Variants in TIAM1 observed in about 807,000 individuals in gnomAD.
TIAM1 encodes the protein TIAM Rac1 associated GEF 1.
TIAM1 carries 65 observed loss-of-function variants against 163.5 expected under a neutral mutation model. The ratio of observed to expected loss-of-function variants is 0.40; its 90% CI spans 0.33 to 0.49. The LOEUF (loss-of-function observed/expected upper bound fraction) is 0.49. Ranked by LOEUF, TIAM1 falls within the 20% of genes least tolerant of loss-of-function variation. The probability of loss-of-function intolerance (pLI) is 0.77; values close to 1 mark genes in which losing one functional copy is unlikely to be tolerated. For missense variants in TIAM1, 1,789 were observed against 2,044.7 expected (o/e 0.87, Z 2.41); for synonymous variants, 833 against 810.1 (o/e 1.03, Z -0.48).
At chr21:31,149,543 C>T (rs2083285771) in intron 19 of TIAM1, among the ~76,000 whole-genome samples, 3 of 152,154 alleles carry the variant, frequency 2.0e-5, no homozygotes, top group Admixed American at 2.0e-4. Context: ...TTCTGGTACC[C>T]AAAGTCTCCT....
At position 31,165,009 on chromosome 21, in the gene TIAM1, C is replaced by G; in HGVS notation, c.2944G>C (p.Glu982Gln). 6.2e-7 allele frequency: 1 copy of G among 1,614,166 alleles called. No individual in the cohort carries two copies. Among genetic ancestry groups the G allele is most frequent in the Non-Finnish European group, 8.5e-7 (1 of 1,180,044 alleles). ...TCTGAGGATTCCAAGTCTGGCCCCT[C>G]GGTCTCCTCTGGAGCGGTCTCAGCA... ...SSAETAPEETEGPDLESSDET... is the reference protein window; with the variant it reads ...SSAETAPEETQGPDLESSDET... Residue 982 changes from glutamate (E) to glutamine (Q), a missense_variant, in exon 16 of 28, where the codon GAG (glutamate) becomes CAG (glutamine). Around this residue, in one of 5 missense-constraint regions of TIAM1, gnomAD observed 303 missense variants for 321.3 expected, o/e 0.94. Coordinates refer to ENST00000541036, the MANE Select transcript of TIAM1 (RefSeq NM_001353694.2).
At chr21:31,127,036 C>T (rs779475970) in intron 26 of TIAM1, 29 bp downstream of exon 26, 47 of 1,608,974 alleles carry the variant, frequency 2.9e-5, no homozygotes, top group African/African-American at 5.3e-5. Flanking sequence ...AATGTCAACA[C>T]GGCCTCGACT....
At chr21:31,419,186 G>A (rs2043479343) in intron 2 of TIAM1, among the ~76,000 whole-genome samples, 2 of 152,170 alleles carry the variant, frequency 1.3e-5, no homozygotes, top group South Asian at 4.1e-4. Context: ...CTCAGCACAA[G>A]GATGGTACTC....
Position 31,314,931 on chromosome 21 carries a change from T to C in TIAM1, c.-189+24312A>G, listed in dbSNP as rs145142590. ...GTGCAGGGACGTACCTGCATTTGTA[T>C]AAAGAGCAGTTCCATGGCTTCTACC... On this transcript the variant is annotated intron_variant, in intron 2 of 27. Coordinates refer to ENST00000541036, the MANE Select transcript of TIAM1 (RefSeq NM_001353694.2). 2.1e-3 allele frequency among the ~76,000 whole-genome samples: 319 copies of C among 152,298 alleles called. 2 individuals carry two copies. Among genetic ancestry groups the C allele is most frequent in the African/African-American group, 7.3e-3 (304 of 41,562 alleles).
intron 2 of TIAM1, among the ~76,000 whole-genome samples, chr21:31,442,060 C>CAAAAAAAAA (rs1555982160): frequency 1.4e-4 from 4 of 29,504 alleles, no homozygotes; most frequent in African/African-American, 9.1e-4. Context: ...TATCTCAGAA[C>CAAAAAAAAA]AAATAAATAA....
At chr21:31,247,925 C>T (rs1214089756) in intron 5 of TIAM1, among the ~76,000 whole-genome samples, 4 of 152,052 alleles carry the variant, frequency 2.6e-5, no homozygotes, top group South Asian at 2.1e-4. Flanking sequence ...AGGGGGAAAC[C>T]GTTTTCCTCT....
At chr21:31,509,844 G>A (rs1244508215) in intron 1 of TIAM1, among the ~76,000 whole-genome samples, 2 of 152,164 alleles carry the variant, frequency 1.3e-5, no homozygotes, top group Admixed American at 6.5e-5. Context: ...CTGGAGAGCC[G>A]CAGAACTTCA....
At chr21:31,327,951 C>T (rs978616977) in intron 2 of TIAM1, among the ~76,000 whole-genome samples, 2 of 152,164 alleles carry the variant, frequency 1.3e-5, no homozygotes, top group South Asian at 2.1e-4. Flanking sequence ...CCAGCAGTCC[C>T]GCAGACCCTG....
intron 2 of TIAM1, among the ~76,000 whole-genome samples, chr21:31,402,865 T>G (rs1426190476): frequency 6.6e-6 from 1 of 152,100 alleles, no homozygotes; most frequent in African/African-American, 2.4e-5. Flanking sequence ...GGCAGGAGAA[T>G]GGCGTGAACC....
chr21:31,554,503 A>G (rs2048804564), intron 1 of TIAM1, among the ~76,000 whole-genome samples: 1 of 152,058 alleles, frequency 6.6e-6, no homozygotes, highest in South Asian at 2.1e-4. Context: ...CCCCACTCCA[A>G]CTACACCCAA....
intron 2 of TIAM1, among the ~76,000 whole-genome samples, chr21:31,407,173 T>C (rs965118208): frequency 2.0e-5 from 3 of 152,182 alleles, no homozygotes; most frequent in Non-Finnish European, 2.9e-5. Flanking sequence ...GAAAGCCTAA[T>C]GCATGGTTTT....
chr21:31,413,223 T>C (rs753230543), intron 2 of TIAM1, among the ~76,000 whole-genome samples: 1 of 152,050 alleles, frequency 6.6e-6, no homozygotes, highest in African/African-American at 2.4e-5. Context: ...TGTGCATGTC[T>C]TCCTCTTTCT....
At chr21:31,229,306 C>G (rs931170485) in intron 6 of TIAM1, among the ~76,000 whole-genome samples, 1 of 151,932 alleles carries the variant, frequency 6.6e-6, no homozygotes, top group African/African-American at 2.4e-5. Flanking sequence ...TGTTAAACAC[C>G]ATCAAAATGT....
intron 3 of TIAM1, among the ~76,000 whole-genome samples, chr21:31,275,541 T>G (rs912459355): frequency 6.6e-6 from 1 of 152,182 alleles, no homozygotes; most frequent in Non-Finnish European, 1.5e-5. Flanking sequence ...ACTGACCTCC[T>G]CTCATTGTAT....
chr21:31,400,963 C>T (rs1040869275), intron 2 of TIAM1, among the ~76,000 whole-genome samples: 3 of 152,144 alleles, frequency 2.0e-5, no homozygotes, highest in African/African-American at 7.2e-5. Context: ...TGGTGGCAGG[C>T]TCCTGTAATC....
intron 19 of TIAM1, among the ~76,000 whole-genome samples, chr21:31,151,841 C>T (rs1397044966): frequency 6.6e-6 from 1 of 151,974 alleles, no homozygotes; most frequent in Admixed American, 6.6e-5. Flanking sequence ...TAAAAGAAAG[C>T]CAAGCAGGGG....
In TIAM1 at chr21:31,420,920, G is replaced by A. The variant is rs146717174; in HGVS notation, c.-369+43063C>T. On this transcript the variant is annotated intron_variant, in intron 2 of 28. Transcript: ENST00000286827. Reference sequence around the variant, plus strand: ...GTGGACCACCTGAGGTCAGGAGTTCGAGACCAGCCTGGCCAACATGGTGAA... The same window carrying A: ...GTGGACCACCTGAGGTCAGGAGTTCAAGACCAGCCTGGCCAACATGGTGAA... Among the ~76,000 whole-genome samples, 896 of 152,148 alleles carry A rather than the reference G, an allele frequency of 5.9e-3. 12 individuals are homozygous for A. Among genetic ancestry groups the A allele is most frequent in the African/African-American group, 0.02 (818 of 41,502 alleles).
intron 22 of TIAM1, among the ~76,000 whole-genome samples, chr21:31,137,344 A>G (rs1002699867): frequency 1.2e-4 from 19 of 152,238 alleles, no homozygotes; most frequent in Non-Finnish European, 1.5e-4. Flanking sequence ...ACTAAGCTAT[A>G]GTACCATTAG....
In TIAM1 at chr21:31,251,977, C is replaced by G; in HGVS notation, c.1176G>C (p.Glu392Asp). 6.2e-7 allele frequency: 1 copy of G among 1,613,962 alleles called. No homozygotes were observed. The highest frequency in any genetic ancestry group is 1.3e-5 in the African/African-American group (1 of 75,056). The change falls in exon 5 of 28, where the codon GAG (glutamate) becomes GAC (aspartate). Residue 392 changes from glutamate (E) to aspartate (D), a missense_variant. Coordinates refer to ENST00000541036, the MANE Select transcript of TIAM1 (RefSeq NM_001353694.2). Reference protein sequence around the residue: ...GVYENFRRELEMSTTNSESLE... With the variant: ...GVYENFRRELDMSTTNSESLE... Reference sequence around the variant, plus strand: ...GGCTCTCGCTGTTGGTGGTGCTCATCTCCAGCTCCCGCCGGAAGTTCTCGT... The same window carrying G: ...GGCTCTCGCTGTTGGTGGTGCTCATGTCCAGCTCCCGCCGGAAGTTCTCGT...
Sources: allele counts gnomAD v4.1 joint callset (sites outside exome capture counted in the v4.1 genomes callset), GRCh38; gene constraint gnomAD v4.1.1; regional missense constraint gnomAD v4.1.1; transcripts MANE v1.5; gene names NCBI Gene and HGNC (gene_info 2026-07-23, HGNC 2026-07-21).